The following ADAM9 variants were observed in gnomAD, a reference collection of about 807,000 sequenced individuals.
ADAM9 encodes disintegrin and metalloproteinase domain-containing protein 9.
ADAM9 carries 54 observed loss-of-function variants against 108.1 expected under a neutral mutation model. That is an observed-to-expected ratio of 0.50 (90% CI 0.40 to 0.63). The LOEUF (loss-of-function observed/expected upper bound fraction) is 0.63, where lower values mean the gene tolerates loss of function less well. Ranked by LOEUF, ADAM9 falls within the 20% of genes least tolerant of loss-of-function variation. The pLI is 0.00. For missense variants in ADAM9, 830 were observed against 997.7 expected (o/e 0.83, Z 2.26); for synonymous variants, 316 against 336.0 (o/e 0.94, Z 0.65).
intron 2 of ADAM9, among the ~76,000 whole-genome samples, chr8:39,009,964 A>ACC (rs550382857): frequency 0.2 from 20,728 of 106,162 alleles, 2,166 homozygotes; most frequent in Non-Finnish European, 0.22. Context: ...ACAAAAACAA[A>ACC]CCCCCCCCCC....
intron 11 of ADAM9, among the ~76,000 whole-genome samples, chr8:39,036,714 G>A (rs1385827320): frequency 1.3e-5 from 2 of 152,170 alleles, no homozygotes; most frequent in Admixed American, 1.3e-4. Context: ...GCTAGTGGAA[G>A]GGTATTTTCA....
chr8:39,019,283 T>C (rs991249859), intron 7 of ADAM9, among the ~76,000 whole-genome samples: 2 of 152,148 alleles, frequency 1.3e-5, no homozygotes, highest in Admixed American at 1.3e-4. Flanking sequence ...GCTAATAAAA[T>C]TGCTTTGCTT....
At chr8:39,026,186 A>G (rs1045113765) in intron 10 of ADAM9, among the ~76,000 whole-genome samples, 3 of 152,162 alleles carry the variant, frequency 2.0e-5, no homozygotes, top group East Asian at 1.9e-4. Context: ...TGCTGCACCT[A>G]TCAACCCGTC....
At chr8:39,045,102 GTGCATACATACATA>G (rs1837617944) in intron 12 of ADAM9, among the ~76,000 whole-genome samples, 4 of 21,002 alleles carry the variant, frequency 1.9e-4, no homozygotes, top group Non-Finnish European at 3.2e-4. Flanking sequence ...ATATGTGTGT[GTGCATACATACATA>G]TGTGTGTGTG....
chr8:39,067,109 A>G (rs1006036796), intron 14 of ADAM9, among the ~76,000 whole-genome samples: 6 of 152,082 alleles, frequency 3.9e-5, no homozygotes, highest in African/African-American at 1.4e-4. Context: ...CCATTGGTCT[A>G]TATCTCTGTT....
Position 38,997,022 on chromosome 8 carries a change from G to C in ADAM9, c.-42G>C, listed in dbSNP as rs372619522. The C allele has an allele frequency of 1.3e-6, 2 of 1,596,238 alleles. No homozygotes were observed. Among genetic ancestry groups the C allele is most frequent in the African/African-American group, 2.7e-5 (2 of 74,722 alleles). On this transcript the variant is annotated 5_prime_UTR_variant, in exon 1 of 22. Transcript: ENST00000487273. ...GAAAATGATGGAAGAGGCGGAGGTG[G>C]AGGCGACCGAGTGCTGAGAGGAACC...
At chr8:39,045,465 T>C (rs745668904) in intron 12 of ADAM9, among the ~76,000 whole-genome samples, 204 of 143,666 alleles carry the variant, frequency 1.4e-3, no homozygotes, top group African/African-American at 2.5e-3. Context: ...TATATGTGCG[T>C]GTGTGTACAC....
chr8:39,011,555 T>A, intron 2 of ADAM9, 103 bp from the exon 3 acceptor site: 5 of 1,085,778 alleles, frequency 4.6e-6, no homozygotes, highest in Non-Finnish European at 7.0e-6. Flanking sequence ...AATACCAAAT[T>A]ATTTTAATTC....
chr8:39,035,620 C>G (rs911207716), intron 11 of ADAM9, among the ~76,000 whole-genome samples: 3 of 152,106 alleles, frequency 2.0e-5, no homozygotes, highest in South Asian at 2.1e-4. Context: ...AGATCGAGAC[C>G]ATCCTGGCTA....
intron 1 of ADAM9, among the ~76,000 whole-genome samples, chr8:39,007,261 A>G (rs1836193049): frequency 6.6e-6 from 1 of 152,110 alleles, no homozygotes; most frequent in African/African-American, 2.4e-5. Context: ...TCTTTCTCCT[A>G]CCCTGGCCCC....
rs572466347 is a variant in ADAM9, at chr8:39,080,657, C to G, written c.1882-1984C>G. Reference sequence around the variant, plus strand: ...CTGGACAGTTTGAGCAGACTGACAACTTGGTACTTCTTCAGATCTGTATTC... The same window carrying G: ...CTGGACAGTTTGAGCAGACTGACAAGTTGGTACTTCTTCAGATCTGTATTC... On this transcript the variant is annotated intron_variant, in intron 16 of 21. Coordinates refer to ENST00000487273, the MANE Select transcript of ADAM9 (RefSeq NM_003816.3). 4.6e-5 allele frequency among the ~76,000 whole-genome samples: 7 copies of G among 152,312 alleles called. No individual in the cohort carries two copies. The East Asian group carries it at 1.3e-3, about 29-fold the overall frequency.
intron 11 of ADAM9, among the ~76,000 whole-genome samples, chr8:39,035,634 C>T (rs753692436): frequency 1.5e-4 from 23 of 151,848 alleles, no homozygotes; most frequent in Non-Finnish European, 2.4e-4. Context: ...CTGGCTAATA[C>T]GTGAAACCCC....
chr8:39,056,225 T>G (rs1263913319), intron 14 of ADAM9, among the ~76,000 whole-genome samples: 1 of 152,156 alleles, frequency 6.6e-6, no homozygotes, highest in Non-Finnish European at 1.5e-5. Flanking sequence ...TTTTTTCTTT[T>G]AAAAGTTCTT....
chr8:39,026,701 T>C lies in ADAM9; in HGVS notation c.1021T>C (p.Phe341Leu), dbSNP rs2129434437. Residue 341 changes from phenylalanine to leucine, a missense_variant, in exon 11 of 22, where the codon TTT becomes CTT. By Grantham distance (22) the Phe-to-Leu change is conservative. Coordinates refer to ENST00000487273, the MANE Select transcript of ADAM9 (RefSeq NM_003816.3). ...NVFGQITVET[F>L]ASIVAHELGH... ...GTTTGGACAAATCACTGTGGAGACA[T>C]TTGCTTCCATTGTTGCTCATGAATT... 6.2e-7 allele frequency: 1 copy of C among 1,614,186 alleles called. No individual in the cohort carries two copies. Among genetic ancestry groups the C allele is most frequent in the East Asian group, 2.2e-5 (1 of 44,876 alleles).
At chr8:39,027,671 G>A (rs1014642315) in intron 11 of ADAM9, among the ~76,000 whole-genome samples, 3 of 152,152 alleles carry the variant, frequency 2.0e-5, no homozygotes, top group Non-Finnish European at 2.9e-5. Context: ...TAATGCCAAC[G>A]AGGTTCCTTC....
At chr8:39,011,499 ATTAT>A (rs1265624719) in intron 2 of ADAM9, among the ~76,000 whole-genome samples, 155 bp from the exon 3 acceptor site, 1 of 152,232 alleles carries the variant, frequency 6.6e-6, no homozygotes, top group Non-Finnish European at 1.5e-5. Context: ...TATATTTTTT[ATTAT>A]TTAAGAATAG....
chr8:39,013,490 C>CT (rs950906517), intron 3 of ADAM9, among the ~76,000 whole-genome samples: 37 of 136,254 alleles, frequency 2.7e-4, no homozygotes, highest in South Asian at 4.6e-4. Context: ...CGTTTATGAG[C>CT]TTTTTTTTTT....
intron 15 of ADAM9, among the ~76,000 whole-genome samples, chr8:39,075,196 C>T (rs544570173): frequency 3.3e-5 from 5 of 152,198 alleles, no homozygotes; most frequent in Middle Eastern, 3.4e-3. Flanking sequence ...CGTGAGCCAC[C>T]GCGCCTGGCC....
At chr8:39,057,658 T>A (rs1838169296) in intron 14 of ADAM9, among the ~76,000 whole-genome samples, 1 of 152,014 alleles carries the variant, frequency 6.6e-6, no homozygotes, top group East Asian at 1.9e-4. Flanking sequence ...AAAGCTGATG[T>A]CTCATTCCAA....
Sources: allele counts gnomAD v4.1 joint callset (sites outside exome capture counted in the v4.1 genomes callset), GRCh38; gene constraint gnomAD v4.1.1; transcripts MANE v1.5; gene names NCBI Gene and HGNC (gene_info 2026-07-23, HGNC 2026-07-21).